The following BICC1 variants were observed in gnomAD, a reference collection of about 807,000 sequenced individuals.
The protein encoded by BICC1 is protein bicaudal C homolog 1.
In BICC1, 43 loss-of-function variants were observed where a neutral mutation model predicts 111.0. The ratio of observed to expected loss-of-function variants is 0.39; its 90% CI spans 0.30 to 0.50. The LOEUF is 0.50. BICC1 is among the 20% of genes least tolerant of loss of function. BICC1 has a pLI of 0.88. For synonymous variants in BICC1, 467 were observed against 434.4 expected (o/e 1.07, Z -0.93); for missense variants, 1,091 against 1,203.2 (o/e 0.91, Z 1.38).
In BICC1 at chr10:58,602,346, G is replaced by A. The variant is rs1845068044; in HGVS notation, c.191-18509G>A. ...AAATGTACGCACATATTTTTTGAAA[G>A]GAAATCGAGGTAACATTATGTTATA... On this transcript the variant is annotated intron_variant, in intron 1 of 20. Coordinates refer to ENST00000373886, the MANE Select transcript of BICC1 (RefSeq NM_001080512.3). 3.3e-5 allele frequency among the ~76,000 whole-genome samples: 5 copies of A among 152,208 alleles called. No individual in the cohort carries two copies. The South Asian group carries it at 1.0e-3, about 32-fold the overall frequency.
Position 58,789,314 on chromosome 10 carries a change from A to T in BICC1, c.653A>T (p.Gln218Leu), listed in dbSNP as rs1297830050. ...MFELPIAGILQPVPDPNSPSI... is the reference protein window; with the variant it reads ...MFELPIAGILLPVPDPNSPSI... Reference sequence around the variant, plus strand: ...GAGCTACCAATTGCTGGAATTCTTCAACCGGTTCCTGATCCTAATTCCCCC... The same window carrying T: ...GAGCTACCAATTGCTGGAATTCTTCTACCGGTTCCTGATCCTAATTCCCCC... The change falls in exon 7 of 21, where the codon CAA becomes CTA. Residue 218 changes from glutamine (Q) to leucine (L), a missense_variant. Around this residue, in one of 3 missense-constraint regions of BICC1, gnomAD observed 843 missense variants for 900.8 expected, o/e 0.94. Coordinates refer to ENST00000373886, the MANE Select transcript of BICC1 (RefSeq NM_001080512.3). 1 of 1,613,972 alleles carries T rather than the reference A, an allele frequency of 6.2e-7. No individual in the cohort carries two copies. Among genetic ancestry groups the T allele is most frequent in the Admixed American group, 1.7e-5 (1 of 60,004 alleles).
chr10:58,601,969 G>C (rs1845056966), intron 1 of BICC1, among the ~76,000 whole-genome samples: 1 of 152,070 alleles, frequency 6.6e-6, no homozygotes, highest in Non-Finnish European at 1.5e-5. Context: ...AGGTGTCTCA[G>C]CCATGAAGAT....
chr10:58,826,899 G>C (rs1021542171), intron 20 of BICC1, among the ~76,000 whole-genome samples: 15 of 152,338 alleles, frequency 9.8e-5, no homozygotes, highest in African/African-American at 3.6e-4. Context: ...GAGCCTTGGA[G>C]GGAAAAGATT....
At chr10:58,738,893 A>G (rs890823530) in intron 3 of BICC1, among the ~76,000 whole-genome samples, 47 of 151,654 alleles carry the variant, frequency 3.1e-4, no homozygotes, top group African/African-American at 1.1e-3. Context: ...TCTGTCTGTT[A>G]TTGGTGTATA....
rs1352783370 is a variant in BICC1 at position 58,715,355 on chromosome 10, T to C, written c.307+13212T>C. On this transcript the variant is annotated intron_variant, in intron 3 of 20. Transcript: ENST00000373886. ...CATATGCGTGTTTTTGGCTCTGTGA[T>C]CTATGCAAATAGTTATGTATTAACT... is the stretch of plus-strand genomic sequence containing the variant. 2.0e-5 allele frequency among the ~76,000 whole-genome samples: 3 copies of C among 152,204 alleles called. No individual in the cohort carries two copies. In the East Asian group the frequency reaches 5.8e-4, roughly 29 times the overall value.
intron 15 of BICC1, 139 bp downstream of exon 15, chr10:58,803,381 A>G (rs1843613958): frequency 3.0e-6 from 2 of 664,804 alleles, no homozygotes; most frequent in Non-Finnish European, 4.5e-6. Flanking sequence ...TTAAATATAT[A>G]TGTAGCAGTT....
chr10:58,633,151 GT>G (rs1304866057), intron 2 of BICC1, among the ~76,000 whole-genome samples: 4 of 152,142 alleles, frequency 2.6e-5, no homozygotes, highest in Non-Finnish European at 2.9e-5. Context: ...AGATCTGATG[GT>G]TTTTTAAATG....
intron 10 of BICC1, among the ~76,000 whole-genome samples, chr10:58,796,953 T>TA (rs1298943376): frequency 6.6e-6 from 1 of 152,006 alleles, no homozygotes; most frequent in Non-Finnish European, 1.5e-5. Context: ...GGGGTGAAAA[T>TA]AAGCAGAACC....
At chr10:58,768,453 TAA>T (rs1842519252) in intron 3 of BICC1, among the ~76,000 whole-genome samples, 1 of 152,040 alleles carries the variant, frequency 6.6e-6, no homozygotes, top group Admixed American at 6.5e-5. Context: ...CAAGAAATGG[TAA>T]ACGAAATTGT....
chr10:58,609,478 C>T (rs1256494093), intron 1 of BICC1, among the ~76,000 whole-genome samples: 1 of 152,110 alleles, frequency 6.6e-6, no homozygotes, highest in African/African-American at 2.4e-5. Flanking sequence ...AATATGTGAA[C>T]CACAAATGTA....
intron 3 of BICC1, among the ~76,000 whole-genome samples, chr10:58,711,620 G>A (rs73297883): frequency 0.02 from 3,055 of 152,158 alleles, 111 homozygotes; most frequent in African/African-American, 0.07. Flanking sequence ...AGCTAGTTCC[G>A]CCTTCTTCTC....
At chr10:58,667,518 TG>T (rs58570126) in intron 2 of BICC1, among the ~76,000 whole-genome samples, 152,100 of 152,100 alleles carry the variant, frequency 1, 76,050 homozygotes, top group Non-Finnish European at 1. Context: ...AAGGTCTGGA[TG>T]GTGTTACCAA....
At chr10:58,601,172 C>T (rs12268364) in intron 1 of BICC1, among the ~76,000 whole-genome samples, 5 of 73,054 alleles carry the variant, frequency 6.8e-5, no homozygotes, top group Non-Finnish European at 1.5e-4. Context: ...ATATATATAT[C>T]TCCCAATAAA....
intron 18 of BICC1, among the ~76,000 whole-genome samples, chr10:58,815,656 A>G (rs1182999960): frequency 6.6e-6 from 1 of 152,128 alleles, no homozygotes; most frequent in Non-Finnish European, 1.5e-5. Context: ...TTTAGGGTAT[A>G]GGGAGTTTAA....
chr10:58,801,235 A>C (rs904204940), intron 14 of BICC1, among the ~76,000 whole-genome samples, 189 bp downstream of exon 14: 4 of 152,144 alleles, frequency 2.6e-5, no homozygotes, highest in Non-Finnish European at 5.9e-5. Flanking sequence ...TGTCTTCTCT[A>C]TAGTCCCTTC....
At chr10:58,544,876 G>A (rs1316518632) in intron 1 of BICC1, among the ~76,000 whole-genome samples, 1 of 152,068 alleles carries the variant, frequency 6.6e-6, no homozygotes, top group African/African-American at 2.4e-5. Context: ...ATTAGGTTGG[G>A]TTCTAATCTA....
At position 58,800,247 on chromosome 10, in the gene BICC1, G is replaced by A. The variant is rs145584701; in HGVS notation, c.1779G>A (p.Val593=). The change falls in exon 13 of 21, where the codon GTG becomes GTA. Residue 593 remains valine, a synonymous_variant. Transcript: ENST00000373886. ...CCACTTCATCACTTGGAGAAAAAGT[G>A]CTGAGTGCAAATCACGGGGATCCGT... The part of the protein sequence containing the change: ...AISTSSLGEK[V]LSANHGDPSI... The A allele has an allele frequency of 4.2e-5, 67 of 1,612,584 alleles. No individual in the cohort carries two copies. In the African/African-American group the frequency reaches 6.9e-4, roughly 17 times the overall value.
At chr10:58,523,649 A>C (rs568366140) in intron 1 of BICC1, among the ~76,000 whole-genome samples, 1 of 152,198 alleles carries the variant, frequency 6.6e-6, no homozygotes, top group African/African-American at 2.4e-5. Flanking sequence ...GGCACAAGAC[A>C]GGGATGCCCT....
chr10:58,560,369 G>T (rs1371153958), intron 1 of BICC1, among the ~76,000 whole-genome samples: 1 of 151,816 alleles, frequency 6.6e-6, no homozygotes, highest in Non-Finnish European at 1.5e-5. Context: ...CATAACAAGC[G>T]CTGATCTTTT....
Sources: gnomAD v4.1 joint callset for allele counts (sites outside exome capture counted in the v4.1 genomes callset) on GRCh38, gnomAD v4.1.1 for gene constraint, gnomAD v4.1.1 regional missense constraint, MANE v1.5 for transcripts, NCBI Gene and HGNC (gene_info 2026-07-23, HGNC 2026-07-21) for gene names.